The following NRG1 variants were observed in gnomAD, a reference collection of about 807,000 sequenced individuals.
The protein encoded by NRG1 is pro-neuregulin-1, membrane-bound isoform.
Under a neutral mutation model 63.8 loss-of-function variants are expected in NRG1, and 18 were observed. That is an observed-to-expected ratio of 0.28 (90% CI 0.19 to 0.42). The LOEUF (loss-of-function observed/expected upper bound fraction) is 0.42. Among genes scored for constraint, NRG1 ranks in the 10% least tolerant of loss-of-function variants. NRG1 has a pLI of 1.00. For missense variants in NRG1, 762 were observed against 814.7 expected (o/e 0.94, Z 0.79); for synonymous variants, 302 against 301.3 (o/e 1.00, Z -0.02).
At chr8:32,310,712 T>G (rs1230058278) in intron 1 of NRG1, among the ~76,000 whole-genome samples, 1 of 152,202 alleles carries the variant, frequency 6.6e-6, no homozygotes, top group African/African-American at 2.4e-5. Flanking sequence ...CTATTCTTGA[T>G]TCTGGGGACT....
chr8:31,647,763 T>C (rs1320887121), intron 1 of NRG1, among the ~76,000 whole-genome samples: 1 of 152,176 alleles, frequency 6.6e-6, no homozygotes, highest in African/African-American at 2.4e-5. Flanking sequence ...TTTCCTCTGT[T>C]GTCTTCATTC....
chr8:32,027,453 C>G (rs1817587378), intron 1 of NRG1, among the ~76,000 whole-genome samples: 2 of 130,596 alleles, frequency 1.5e-5, no homozygotes, highest in Admixed American at 1.5e-4. Flanking sequence ...TCCTTCCTTC[C>G]TTCCTTCCTT....
intron 1 of NRG1, among the ~76,000 whole-genome samples, chr8:32,123,561 C>T (rs1314841026): frequency 2.7e-5 from 4 of 149,984 alleles, no homozygotes; most frequent in Non-Finnish European, 5.9e-5. Flanking sequence ...AGTTATCCTG[C>T]ATCTTAACAT....
chr8:32,095,485 GA>G (rs1829783939), intron 1 of NRG1, among the ~76,000 whole-genome samples: 1 of 152,222 alleles, frequency 6.6e-6, no homozygotes, highest in African/African-American at 2.4e-5. Context: ...ATTTTGGCAA[GA>G]AGCACTGGCT....
chr8:32,650,758 G>A (rs980616170), intron 5 of NRG1, among the ~76,000 whole-genome samples: 1 of 149,266 alleles, frequency 6.7e-6, no homozygotes, highest in African/African-American at 2.5e-5. Context: ...TCCTTTTCCC[G>A]TGCATGTTTT....
chr8:31,878,530 A>G (rs1331582635), intron 1 of NRG1, among the ~76,000 whole-genome samples: 1 of 152,200 alleles, frequency 6.6e-6, no homozygotes, highest in Admixed American at 6.5e-5. Flanking sequence ...TATACTATTT[A>G]TCGATTGTTA....
chr8:32,123,469 G>C (rs1486731750), intron 1 of NRG1, among the ~76,000 whole-genome samples: 3 of 151,754 alleles, frequency 2.0e-5, no homozygotes, highest in African/African-American at 7.3e-5. Flanking sequence ...ATGTAGAACT[G>C]TGAGTCAATT....
intron 1 of NRG1, among the ~76,000 whole-genome samples, chr8:31,656,343 G>A (rs1805434111): frequency 6.6e-6 from 1 of 152,192 alleles, no homozygotes; most frequent in Non-Finnish European, 1.5e-5. Context: ...GACTTTTTGA[G>A]TGGTGACTAT....
intron 1 of NRG1, among the ~76,000 whole-genome samples, chr8:31,918,302 A>G (rs552347573): frequency 6.6e-6 from 1 of 152,310 alleles, no homozygotes; most frequent in East Asian, 1.9e-4. Context: ...GAATGCTTCC[A>G]GTTTTTGCCC....
At chr8:31,853,890 C>G (rs1455107145) in intron 1 of NRG1, among the ~76,000 whole-genome samples, 1 of 151,798 alleles carries the variant, frequency 6.6e-6, no homozygotes, top group Non-Finnish European at 1.5e-5. Context: ...TTGTCTTTGG[C>G]TCTGTTTTTA....
intron 1 of NRG1, among the ~76,000 whole-genome samples, chr8:32,430,787 G>GTTTTT (rs35752428): frequency 2.2e-5 from 3 of 134,146 alleles, no homozygotes. Flanking sequence ...AATGGTTTGG[G>GTTTTT]TTTTTTTTTT....
At chr8:31,901,351 T>G (rs1451643458) in intron 1 of NRG1, among the ~76,000 whole-genome samples, 1 of 152,196 alleles carries the variant, frequency 6.6e-6, no homozygotes, top group Non-Finnish European at 1.5e-5. Context: ...AAGACAATTT[T>G]ACGACTGCAT....
At chr8:32,595,473 AC>A (rs1456468624) in intron 1 of NRG1, among the ~76,000 whole-genome samples, 1 of 152,074 alleles carries the variant, frequency 6.6e-6, no homozygotes, top group Non-Finnish European at 1.5e-5. Context: ...ACAGGCGTGA[AC>A]CACCGTGCCC....
intron 1 of NRG1, among the ~76,000 whole-genome samples, chr8:31,899,576 T>C (rs1009679370): frequency 3.3e-5 from 5 of 152,164 alleles, no homozygotes; most frequent in Non-Finnish European, 5.9e-5. Context: ...ACTGGTCCAT[T>C]GGCTGAGTTG....
chr8:31,811,781 T>A (rs1384342837), intron 1 of NRG1, among the ~76,000 whole-genome samples: 1 of 152,198 alleles, frequency 6.6e-6, no homozygotes, highest in Non-Finnish European at 1.5e-5. Context: ...GAGATTGTAA[T>A]TTAACGAAAG....
chr8:32,434,238 A>G (rs1262182393), intron 1 of NRG1, among the ~76,000 whole-genome samples: 1 of 151,662 alleles, frequency 6.6e-6, no homozygotes, highest in Non-Finnish European at 1.5e-5. Context: ...TTCAAGTTTT[A>G]ACTATTGAAA....
upstream of NRG1, among the ~76,000 whole-genome samples, chr8:32,545,117 T>C (rs1273611431): frequency 1.3e-5 from 2 of 152,342 alleles, no homozygotes; most frequent in African/African-American, 2.4e-5. Context: ...AATTTTTCCA[T>C]GTTTTAAAAC....
intron 1 of NRG1, among the ~76,000 whole-genome samples, chr8:32,573,503 C>T (rs1422220806): frequency 6.6e-6 from 1 of 152,156 alleles, no homozygotes; most frequent in Non-Finnish European, 1.5e-5. Flanking sequence ...TATATCCTTA[C>T]CATTTGCTGT....
chr8:32,587,115 A>C (rs745905378), intron 1 of NRG1, among the ~76,000 whole-genome samples: 2 of 152,172 alleles, frequency 1.3e-5, no homozygotes, highest in Non-Finnish European at 2.9e-5. Context: ...AGGCTAAGGC[A>C]GGAGGATCAC....
Sources: gnomAD v4.1 joint callset for allele counts (sites outside exome capture counted in the v4.1 genomes callset) on GRCh38, gnomAD v4.1.1 for gene constraint, MANE v1.5 for transcripts, NCBI Gene and HGNC (gene_info 2026-07-23, HGNC 2026-07-21) for gene names.